The following GRID2 variants were observed in gnomAD, a reference collection of about 807,000 sequenced individuals.
The protein encoded by GRID2 is glutamate ionotropic receptor delta type subunit 2.
In GRID2, 33 loss-of-function variants were observed where a neutral mutation model predicts 114.8. The ratio of observed to expected loss-of-function variants is 0.29; its 90% CI spans 0.22 to 0.38. GRID2 has a LOEUF of 0.38. Among genes scored for constraint, GRID2 ranks in the 10% least tolerant of loss-of-function variants. The pLI is 1.00. For synonymous variants in GRID2, 505 were observed against 449.9 expected (o/e 1.12, Z -1.55); for missense variants, 1,184 against 1,257.7 (o/e 0.94, Z 0.89).
intron 1 of GRID2, among the ~76,000 whole-genome samples, chr4:92,536,762 G>A (rs140548370): frequency 1.8e-4 from 27 of 151,938 alleles, no homozygotes; most frequent in African/African-American, 5.8e-4. Context: ...AATGCAAATC[G>A]TCTGAGAGAA....
At chr4:92,917,357 T>G (rs1435142933) in intron 2 of GRID2, among the ~76,000 whole-genome samples, 4 of 152,290 alleles carry the variant, frequency 2.6e-5, no homozygotes, top group East Asian at 1.9e-4. Flanking sequence ...AGAAGCCCTT[T>G]AGTTTAATTA....
intron 8 of GRID2, among the ~76,000 whole-genome samples, chr4:93,334,952 T>G (rs1758889823): frequency 6.6e-6 from 1 of 151,880 alleles, no homozygotes; most frequent in Non-Finnish European, 1.5e-5. Flanking sequence ...AAAAAAAGAA[T>G]TTCTGGTCTT....
chr4:93,738,416 AC>A (rs1432684839), intron 14 of GRID2, among the ~76,000 whole-genome samples: 1 of 152,180 alleles, frequency 6.6e-6, no homozygotes. Flanking sequence ...TCTGTTAACC[AC>A]ATAAAAGACT....
intron 8 of GRID2, among the ~76,000 whole-genome samples, chr4:93,268,408 A>G (rs994336884): frequency 1.7e-4 from 26 of 152,158 alleles, no homozygotes; most frequent in Admixed American, 4.6e-4. Flanking sequence ...ACCTCCTCAT[A>G]GGCCCCATCT....
chr4:92,848,695 G>A (rs1578301222), intron 2 of GRID2, among the ~76,000 whole-genome samples: 1 of 151,912 alleles, frequency 6.6e-6, no homozygotes, highest in South Asian at 2.1e-4. Context: ...AGCGGGCTAC[G>A]GGGATCTGGA....
At chr4:93,039,490 A>G (rs1339986717) in intron 2 of GRID2, among the ~76,000 whole-genome samples, 1 of 152,076 alleles carries the variant, frequency 6.6e-6, no homozygotes, top group African/African-American at 2.4e-5. Flanking sequence ...ATATATACAT[A>G]CATACGTATA....
intron 2 of GRID2, among the ~76,000 whole-genome samples, chr4:92,725,637 G>A (rs1309278914): frequency 2.0e-5 from 3 of 152,128 alleles, no homozygotes; most frequent in Non-Finnish European, 4.4e-5. Flanking sequence ...CTTGGGAGAT[G>A]TTCGTATCGT....
intron 8 of GRID2, among the ~76,000 whole-genome samples, chr4:93,241,653 T>G (rs572435401): frequency 3.0e-4 from 45 of 151,870 alleles, no homozygotes; most frequent in African/African-American, 1.1e-3. Context: ...AATTAAGGTA[T>G]GCTGGCCTAA....
chr4:92,528,252 T>C (rs1560690496), intron 1 of GRID2, among the ~76,000 whole-genome samples: 1 of 150,814 alleles, frequency 6.6e-6, no homozygotes, highest in Non-Finnish European at 1.5e-5. Context: ...CCTCACAAAT[T>C]AACCATTCTT....
intron 14 of GRID2, among the ~76,000 whole-genome samples, chr4:93,637,359 T>C (rs1329053910): frequency 6.6e-6 from 1 of 152,176 alleles, no homozygotes; most frequent in South Asian, 2.1e-4. Context: ...AGAAATGATT[T>C]GAAATTTTCC....
Position 93,090,891 on chromosome 4 carries a change from C to T in GRID2, c.529+5612C>T, listed in dbSNP as rs543788282. Among the ~76,000 whole-genome samples, 21 of 152,186 alleles carry T rather than the reference C, an allele frequency of 1.4e-4. 1 individual carries two copies. The highest frequency in any genetic ancestry group is 9.7e-4 in the East Asian group (5 of 5,174). ...ATGTGACCTCCTCGCCCTCTGGTAA[C>T]GCCAGGTGTTCTCAATTACTAGAAT... On this transcript the variant is annotated intron_variant, in intron 3 of 15. Coordinates refer to ENST00000282020, the MANE Select transcript of GRID2 (RefSeq NM_001510.4).
At chr4:93,614,611 G>T (rs961326304) in intron 13 of GRID2, among the ~76,000 whole-genome samples, 1 of 151,956 alleles carries the variant, frequency 6.6e-6, no homozygotes, top group Non-Finnish European at 1.5e-5. Context: ...ACAACAGGAC[G>T]AGTTAACAGG....
At chr4:93,475,797 A>G (rs2149440615) in intron 11 of GRID2, among the ~76,000 whole-genome samples, 1 of 152,238 alleles carries the variant, frequency 6.6e-6, no homozygotes, top group South Asian at 2.1e-4. Context: ...TGAATCTCTG[A>G]AAAATGGGGT....
chr4:93,260,343 T>G (rs986850042), intron 8 of GRID2, among the ~76,000 whole-genome samples: 1 of 151,302 alleles, frequency 6.6e-6, no homozygotes, highest in Admixed American at 6.6e-5. Flanking sequence ...TCAAAATACA[T>G]CTATTAGGCA....
chr4:93,727,915 G>T (rs1240176841), intron 14 of GRID2, among the ~76,000 whole-genome samples: 3 of 151,912 alleles, frequency 2.0e-5, no homozygotes, highest in Non-Finnish European at 2.9e-5. Flanking sequence ...TATCAATTTT[G>T]TTGATCCTTT....
chr4:93,132,834 G>A (rs186334256), intron 4 of GRID2, among the ~76,000 whole-genome samples: 11 of 152,248 alleles, frequency 7.2e-5, no homozygotes, highest in South Asian at 2.1e-4. Flanking sequence ...AGTACTCAGC[G>A]TGCTGTGAAA....
chr4:93,173,846 GTC>G (rs1190996724), intron 4 of GRID2, among the ~76,000 whole-genome samples: 6 of 152,132 alleles, frequency 3.9e-5, no homozygotes, highest in African/African-American at 1.4e-4. Context: ...GCCCAGGCCT[GTC>G]TCTAACTTCT....
intron 1 of GRID2, among the ~76,000 whole-genome samples, chr4:92,318,564 G>A (rs986980998): frequency 7.1e-6 from 1 of 140,734 alleles, no homozygotes; most frequent in African/African-American, 2.7e-5. Context: ...ACCCAGGCTG[G>A]AGTGCAGTGG....
chr4:93,325,439 A>C (rs768634760), intron 8 of GRID2, among the ~76,000 whole-genome samples: 1 of 151,964 alleles, frequency 6.6e-6, no homozygotes, highest in Admixed American at 6.6e-5. Context: ...ATGATAGACT[A>C]TTCTTTCTAG....
Sources: gnomAD v4.1 joint callset for allele counts (sites outside exome capture counted in the v4.1 genomes callset) on GRCh38, gnomAD v4.1.1 for gene constraint, MANE v1.5 for transcripts, NCBI Gene and HGNC (gene_info 2026-07-23, HGNC 2026-07-21) for gene names.